The following ZMPSTE24 variants were observed in gnomAD, a reference collection of about 807,000 sequenced individuals.
ZMPSTE24 encodes zinc metallopeptidase STE24, also known as CAAX prenyl protease 1 homolog.
ZMPSTE24 carries 48 observed loss-of-function variants against 56.7 expected under a neutral mutation model. That is an observed-to-expected ratio of 0.85 (90% CI 0.67 to 1.08). The LOEUF (loss-of-function observed/expected upper bound fraction) is 1.08. Ranked by LOEUF, ZMPSTE24 falls within the 50% of genes least tolerant of loss-of-function variation. The pLI, the probability that ZMPSTE24 is intolerant of heterozygous loss-of-function variation, is 0.00. For missense variants in ZMPSTE24, 503 were observed against 548.7 expected (o/e 0.92, Z 0.83); for synonymous variants, 172 against 195.2 (o/e 0.88, Z 0.99).
At chr1:40,265,347 G>A (rs189976531) in intron 2 of ZMPSTE24, among the ~76,000 whole-genome samples, 2 of 152,318 alleles carry the variant, frequency 1.3e-5, no homozygotes, top group African/African-American at 4.8e-5. Flanking sequence ...GGAAAACAAG[G>A]TTTATGTCTA....
At chr1:40,267,288 C>T (rs1643559131) in intron 2 of ZMPSTE24, among the ~76,000 whole-genome samples, 1 of 151,752 alleles carries the variant, frequency 6.6e-6, no homozygotes, top group African/African-American at 2.4e-5. Context: ...ATAATTTATG[C>T]TAAATGTGAA....
intron 1 of ZMPSTE24, among the ~76,000 whole-genome samples, chr1:40,258,706 G>C (rs1643464425): frequency 6.6e-6 from 1 of 152,118 alleles, no homozygotes; most frequent in Non-Finnish European, 1.5e-5. Context: ...TTTATCTTTG[G>C]AATAAGCCTT....
intron 7 of ZMPSTE24, among the ~76,000 whole-genome samples, chr1:40,282,122 T>C (rs1643736333): frequency 6.6e-6 from 1 of 152,208 alleles, no homozygotes; most frequent in African/African-American, 2.4e-5. Context: ...ACCTTCCTCT[T>C]AAGCTTACAG....
Position 40,290,928 on chromosome 1 carries a change from T to A in ZMPSTE24, c.1134T>A (p.Phe378Leu), listed in dbSNP as rs1256155111. ...AGGAGCTTTTTGCTGCATTTGGTTT[T>A]TATGATAGCCAACCCACTCTTATTG... ...GRKELFAAFGFYDSQPTLIGL... is the reference protein window; with the variant it reads ...GRKELFAAFGLYDSQPTLIGL... The change falls in exon 9 of 10, where the codon TTT (phenylalanine) becomes TTA (leucine). Residue 378 changes from phenylalanine to leucine, a missense_variant. By Grantham distance (22) the Phe-to-Leu change is conservative. Transcript: ENST00000372759. 3.1e-6 allele frequency: 5 copies of A among 1,614,164 alleles called. No individual in the cohort carries two copies. The highest frequency in any genetic ancestry group is 4.2e-6 in the Non-Finnish European group (5 of 1,180,018).
At chr1:40,284,676 C>T (rs917117555) in intron 7 of ZMPSTE24, among the ~76,000 whole-genome samples, 11 of 152,136 alleles carry the variant, frequency 7.2e-5, no homozygotes, top group African/African-American at 2.2e-4. Flanking sequence ...CACTTGAACC[C>T]AGGAGGTGGA....
chr1:40,265,425 A>G (rs565361554), intron 2 of ZMPSTE24, among the ~76,000 whole-genome samples: 42 of 152,278 alleles, frequency 2.8e-4, no homozygotes, highest in African/African-American at 7.9e-4. Flanking sequence ...TTGAAAAGCA[A>G]TTTATTGGGG....
In ZMPSTE24 at chr1:40,286,039, G is replaced by A. The variant is rs1643784274; in HGVS notation, c.1059+10G>A. On this transcript the variant is annotated intron_variant, in intron 8 of 9. Coordinates refer to ENST00000372759, the MANE Select transcript of ZMPSTE24 (RefSeq NM_005857.5). ...TATCATTATTAGCCAGGTAAGTGTG[G>A]AGTGACAATTCTTTTTTTATGGCAT... 6.2e-7 allele frequency: 1 copy of A among 1,606,902 alleles called. No individual in the cohort carries two copies. Among genetic ancestry groups the A allele is most frequent in the Admixed American group, 1.7e-5 (1 of 59,974 alleles).
chr1:40,267,664 T>C (rs1643564942), intron 2 of ZMPSTE24, 122 bp from the exon 3 acceptor site: 2 of 761,788 alleles, frequency 2.6e-6, no homozygotes, highest in Non-Finnish European at 2.3e-6. Context: ...GCCACCGTAC[T>C]GGCCTCTTTT....
chr1:40,262,865 C>A, intron 2 of ZMPSTE24: 1 of 1,173,122 alleles, frequency 8.5e-7, no homozygotes, highest in Non-Finnish European at 1.1e-6. Flanking sequence ...CTTAACAACA[C>A]TACCTGAAGA....
At chr1:40,263,489 A>T (rs1643518689) in intron 2 of ZMPSTE24, among the ~76,000 whole-genome samples, 1 of 152,226 alleles carries the variant, frequency 6.6e-6, no homozygotes, top group Non-Finnish European at 1.5e-5. Context: ...TGTTCTGCTG[A>T]GTCTTTAAAA....
Position 40,292,772 on chromosome 1 carries a change from G to C in ZMPSTE24, c.*103G>C. 2.0e-6 allele frequency: 2 copies of C among 988,610 alleles called. No homozygotes were observed. Among genetic ancestry groups the C allele is most frequent in the Non-Finnish European group, 3.1e-6 (2 of 646,386 alleles). 61.2% of individuals were successfully genotyped at this position (988,610 alleles called of 1,614,324 possible). ...AACTTTTTTTTAGAAGAAAAATTAA[G>C]TACAGAAAAGCCCAGATTTAAATAC... is the stretch of plus-strand genomic sequence containing the variant. On this transcript the variant is annotated 3_prime_UTR_variant, in exon 10 of 10. Transcript: ENST00000372759.
chr1:40,261,260 T>C (rs1039000309), intron 2 of ZMPSTE24, among the ~76,000 whole-genome samples: 17 of 152,180 alleles, frequency 1.1e-4, no homozygotes, highest in African/African-American at 4.1e-4. Context: ...AAGCAACCAT[T>C]TGAAACTCCC....
intron 8 of ZMPSTE24, among the ~76,000 whole-genome samples, 172 bp downstream of exon 8, chr1:40,286,201 C>G (rs1240656409): frequency 6.6e-6 from 1 of 152,158 alleles, no homozygotes; most frequent in Non-Finnish European, 1.5e-5. Context: ...AGTTCCTTAA[C>G]CTCTGCCTCT....
chr1:40,273,987 G>T (rs190613730), intron 6 of ZMPSTE24, among the ~76,000 whole-genome samples: 28 of 152,196 alleles, frequency 1.8e-4, no homozygotes, highest in Admixed American at 1.7e-3. Flanking sequence ...CTTTATGGAA[G>T]GTTATGACCT....
chr1:40,260,068 T>C (rs2124574957), intron 1 of ZMPSTE24, among the ~76,000 whole-genome samples: 1 of 147,314 alleles, frequency 6.8e-6, no homozygotes, highest in African/African-American at 2.5e-5. Context: ...TTTTTTTTTT[T>C]TTTTTTTTTT....
rs1643856428 is a variant in ZMPSTE24 at position 40,292,700 on chromosome 1, C to T, written c.*31C>T. ...CCAGGATCTGTGACTGAAGACATTT[C>T]TGATTATTTCTGTCCTGGCAGCATG... On this transcript the variant is annotated 3_prime_UTR_variant, in exon 10 of 10. Coordinates refer to ENST00000372759, the MANE Select transcript of ZMPSTE24 (RefSeq NM_005857.5). 1 of 1,590,640 alleles carries T rather than the reference C, an allele frequency of 6.3e-7. No homozygotes were observed. The highest frequency in any genetic ancestry group is 8.6e-7 in the Non-Finnish European group (1 of 1,159,328).
At chr1:40,286,764 G>A (rs1053870154) in intron 8 of ZMPSTE24, among the ~76,000 whole-genome samples, 1 of 117,716 alleles carries the variant, frequency 8.5e-6, no homozygotes, top group Non-Finnish European at 1.7e-5. Context: ...TTTCACTCTT[G>A]TTGCCCAAGC....
chr1:40,284,400 G>A (rs902883333), intron 7 of ZMPSTE24, among the ~76,000 whole-genome samples: 1 of 151,944 alleles, frequency 6.6e-6, no homozygotes, highest in African/African-American at 2.4e-5. Context: ...CAGATCTTCT[G>A]TGTTAACAGC....
intron 6 of ZMPSTE24, among the ~76,000 whole-genome samples, chr1:40,276,668 A>G (rs905629154): frequency 5.3e-5 from 8 of 152,244 alleles, no homozygotes; most frequent in African/African-American, 1.9e-4. Context: ...GCATTGCTTA[A>G]TAATGGCAAT....
Sources: allele counts gnomAD v4.1 joint callset (sites outside exome capture counted in the v4.1 genomes callset), GRCh38; gene constraint gnomAD v4.1.1; transcripts MANE v1.5; gene names NCBI Gene and HGNC (gene_info 2026-07-23, HGNC 2026-07-21).